The following LNX2 variants were observed in gnomAD, a reference collection of about 807,000 sequenced individuals.
The protein encoded by LNX2 is ligand of numb-protein X 2.
A neutral mutation model predicts 66.2 loss-of-function variants in LNX2; 35 were observed. The ratio of observed to expected loss-of-function variants is 0.53; its 90% CI spans 0.40 to 0.70. The LOEUF (loss-of-function observed/expected upper bound fraction) is 0.70. Among genes scored for constraint, LNX2 ranks in the 30% least tolerant of loss-of-function variants. LNX2 has a pLI of 0.00. For missense variants in LNX2, 791 were observed against 850.8 expected (o/e 0.93, Z 0.87); for synonymous variants, 337 against 315.6 (o/e 1.07, Z -0.72).
intron 8 of LNX2, among the ~76,000 whole-genome samples, chr13:27,551,154 G>T (rs192548579): frequency 1.3e-5 from 2 of 151,874 alleles, no homozygotes; most frequent in African/African-American, 4.8e-5. Context: ...TGGGTACAGC[G>T]TCATGTGTCT....
rs555954886 is a variant in LNX2 at position 27,587,984 on chromosome 13, TCACTC to T, written c.-100-6186_-100-6182del. On this transcript the variant is annotated intron_variant, in intron 1 of 9. Transcript: ENST00000316334. ...TGCAGTAAGCCGAGATGGCGCCACT[TCACTC>T]CAGTCTGGGCAAGAGTGCGAGACTC... Among the ~76,000 whole-genome samples, 3 of 130,874 alleles carry T rather than the reference TCACTC, an allele frequency of 2.3e-5. No individual in the cohort carries two copies. The East Asian group carries it at 7.3e-4, about 32-fold the overall frequency. 85.9% of individuals were successfully genotyped at this position (130,874 alleles called of 152,430 possible). A position where few individuals can be genotyped will look rare whatever the true frequency, so the allele number is the denominator to read the frequency against.
intron 1 of LNX2, among the ~76,000 whole-genome samples, chr13:27,608,111 G>T (rs1320926363): frequency 6.6e-6 from 1 of 152,134 alleles, no homozygotes; most frequent in Non-Finnish European, 1.5e-5. Flanking sequence ...CACATAACAG[G>T]CATTCAATAA....
At position 27,556,404 on chromosome 13, in the gene LNX2, G is replaced by A; in HGVS notation, c.1378C>T (p.Gln460Ter). 2 of 1,613,218 alleles carry A rather than the reference G, an allele frequency of 1.2e-6. No individual in the cohort carries two copies. Among genetic ancestry groups the A allele is most frequent in the East Asian group, 2.2e-5 (1 of 44,828 alleles). The change falls in exon 7 of 10, where the codon CAG becomes TAG. Residue 460 changes from glutamine (Q) to a stop codon, truncating the protein, a stop_gained. Coordinates refer to ENST00000316334, the MANE Select transcript of LNX2 (RefSeq NM_153371.4). LOFTEE classifies it high-confidence loss of function. ...SRPSSHKDLTQCVTCQEKHIT... is the reference protein window; with the variant it reads ...SRPSSHKDLT ...TGTTTTTCTTGGCATGTAACACACT[G>A]AGTAAGATCCTAAAACATACAAGAA...
At chr13:27,566,085 T>C (rs536444660) in intron 4 of LNX2, among the ~76,000 whole-genome samples, 1 of 152,350 alleles carries the variant, frequency 6.6e-6, no homozygotes, top group East Asian at 1.9e-4. Flanking sequence ...ATTAGGGTGG[T>C]TGCAATTACC....
intron 1 of LNX2, among the ~76,000 whole-genome samples, chr13:27,588,579 A>G (rs934054846): frequency 6.6e-6 from 1 of 152,204 alleles, no homozygotes; most frequent in Non-Finnish European, 1.5e-5. Flanking sequence ...CAATGCCAAT[A>G]TCCTGGTTAT....
chr13:27,594,355 CATT>C (rs148005759), intron 1 of LNX2, among the ~76,000 whole-genome samples: 7,806 of 152,136 alleles, frequency 0.051, 204 homozygotes, highest in Middle Eastern at 0.096. Context: ...CCCTTTATCA[CATT>C]ATTATAATCA....
intron 1 of LNX2, among the ~76,000 whole-genome samples, chr13:27,589,676 G>C (rs929238310): frequency 6.6e-6 from 1 of 152,120 alleles, no homozygotes; most frequent in African/African-American, 2.4e-5. Context: ...TTACCTGCCT[G>C]ATTCCTACAC....
At position 27,547,299 on chromosome 13, in the gene LNX2, T is replaced by C. The variant is rs1356418368; in HGVS notation, c.*1036A>G. On this transcript the variant is annotated 3_prime_UTR_variant, in exon 10 of 10. Coordinates refer to ENST00000316334, the MANE Select transcript of LNX2 (RefSeq NM_153371.4). Reference sequence around the variant, plus strand: ...ACATAGCAAAACATTCCTCTGGAAATAGATTTTTAATGCTTTTGGGCTGTT... The same window carrying C: ...ACATAGCAAAACATTCCTCTGGAAACAGATTTTTAATGCTTTTGGGCTGTT... 2 of 152,172 alleles carry C rather than the reference T, an allele frequency of 1.3e-5. No homozygotes were observed. Among genetic ancestry groups the C allele is most frequent in the Non-Finnish European group, 2.9e-5 (2 of 68,012 alleles). 9.4% of individuals were successfully genotyped at this position (152,172 alleles called of 1,614,324 possible).
intron 2 of LNX2, among the ~76,000 whole-genome samples, chr13:27,576,250 C>G (rs1407767295): frequency 1.3e-5 from 2 of 152,154 alleles, no homozygotes; most frequent in Non-Finnish European, 2.9e-5. Flanking sequence ...ACTCGACTTT[C>G]AATACTAACA....
At chr13:27,579,220 A>G (rs1955373394) in intron 2 of LNX2, among the ~76,000 whole-genome samples, 1 of 152,222 alleles carries the variant, frequency 6.6e-6, no homozygotes, top group African/African-American at 2.4e-5. Flanking sequence ...CTGAATTTCA[A>G]TGTTCTTATT....
intron 7 of LNX2, among the ~76,000 whole-genome samples, chr13:27,556,010 A>C (rs1955055605): frequency 6.6e-6 from 1 of 152,176 alleles, no homozygotes; most frequent in Admixed American, 6.5e-5. Context: ...AGTCTGAGTA[A>C]CTGTTAGCAA....
At chr13:27,597,174 A>G (rs1405682292) in intron 1 of LNX2, among the ~76,000 whole-genome samples, 1 of 152,204 alleles carries the variant, frequency 6.6e-6, no homozygotes, top group South Asian at 2.1e-4. Context: ...CATTGAAACC[A>G]TATCTTCCTA....
intron 5 of LNX2, among the ~76,000 whole-genome samples, chr13:27,562,091 A>G (rs890985874): frequency 5.3e-5 from 8 of 152,158 alleles, no homozygotes; most frequent in Non-Finnish European, 1.0e-4. Flanking sequence ...CCCTTTCCTC[A>G]CTTCTAAAAG....
At chr13:27,620,293 C>A (rs1159394673) in intron 1 of LNX2, 82 bp downstream of exon 1, 1 of 152,148 alleles carries the variant, frequency 6.6e-6, no homozygotes. Flanking sequence ...TGACCCACAC[C>A]CAGCTGACGC....
At chr13:27,555,390 T>G (rs769048060) in intron 7 of LNX2, among the ~76,000 whole-genome samples, 1 of 152,232 alleles carries the variant, frequency 6.6e-6, no homozygotes, top group African/African-American at 2.4e-5. Flanking sequence ...ACACAAGTCA[T>G]TTGTCATATA....
chr13:27,617,602 A>G (rs558358160), intron 1 of LNX2, among the ~76,000 whole-genome samples: 1 of 152,302 alleles, frequency 6.6e-6, no homozygotes, highest in South Asian at 2.1e-4. Context: ...CTAATATTCA[A>G]TGTCAACACT....
rs1480794814 is a variant in LNX2, at chr13:27,547,507, T to A, written c.*828A>T. 1 of 152,128 alleles carries A rather than the reference T, an allele frequency of 6.6e-6. No individual in the cohort carries two copies. Among genetic ancestry groups the A allele is most frequent in the Non-Finnish European group, 1.5e-5 (1 of 68,018 alleles). 9.4% of individuals were successfully genotyped at this position (152,128 alleles called of 1,614,324 possible). A position where few individuals can be genotyped will look rare whatever the true frequency, so the allele number is the denominator to read the frequency against. On this transcript the variant is annotated 3_prime_UTR_variant, in exon 10 of 10. Coordinates refer to ENST00000316334, the MANE Select transcript of LNX2 (RefSeq NM_153371.4). ...GAATATTGAGAGATTACAGTAGAAA[T>A]AAACCAGAAAATCAGTTTATAAACA...
At chr13:27,558,156 A>C (rs1955085956) in intron 6 of LNX2, among the ~76,000 whole-genome samples, 1 of 152,080 alleles carries the variant, frequency 6.6e-6, no homozygotes, top group Non-Finnish European at 1.5e-5. Flanking sequence ...TTTCAGAATG[A>C]TTATAATTGT....
chr13:27,583,672 C>T (rs1955449971), intron 1 of LNX2, among the ~76,000 whole-genome samples: 1 of 152,112 alleles, frequency 6.6e-6, no homozygotes, highest in Admixed American at 6.5e-5. Context: ...ATTAAATATT[C>T]AACTCCAAAG....
Sources: allele counts gnomAD v4.1 joint callset (sites outside exome capture counted in the v4.1 genomes callset), GRCh38; gene constraint gnomAD v4.1.1; transcripts MANE v1.5; gene names NCBI Gene and HGNC (gene_info 2026-07-23, HGNC 2026-07-21).